Variants in ADGRV1 observed in about 807,000 individuals in gnomAD.
The protein encoded by ADGRV1 is adhesion G protein-coupled receptor V1, also known as G-protein coupled receptor 98.
ADGRV1 carries 359 observed loss-of-function variants against 596.2 expected under a neutral mutation model. That is an observed-to-expected ratio of 0.60 (90% confidence interval 0.55 to 0.66). ADGRV1 has a LOEUF of 0.66. Among genes scored for constraint, ADGRV1 ranks in the 30% least tolerant of loss-of-function variants. The pLI is 0.00. For missense variants in ADGRV1, 7,274 were observed against 7,575.6 expected (o/e 0.96, Z 1.48); for synonymous variants, 2,681 against 2,679.2 (o/e 1.00, Z -0.02).
At chr5:90,712,809 A>G (rs1749552522) in intron 42 of ADGRV1, among the ~76,000 whole-genome samples, 1 of 152,144 alleles carries the variant, frequency 6.6e-6, no homozygotes. Flanking sequence ...GTACCTTTGT[A>G]CAAAGGAGTA....
chr5:90,976,574 T>G (rs1185290181), intron 84 of ADGRV1, among the ~76,000 whole-genome samples: 2 of 152,026 alleles, frequency 1.3e-5, no homozygotes, highest in Non-Finnish European at 2.9e-5. Flanking sequence ...AATAAATTCC[T>G]AGGAATTATG....
At chr5:91,042,245 T>A (rs1785423700) in intron 85 of ADGRV1, among the ~76,000 whole-genome samples, 1 of 152,158 alleles carries the variant, frequency 6.6e-6, no homozygotes, top group Non-Finnish European at 1.5e-5. Context: ...ATAAAAACAA[T>A]CAAGGTGTCA....
At chr5:90,976,579 A>G (rs963942183) in intron 84 of ADGRV1, among the ~76,000 whole-genome samples, 1 of 152,016 alleles carries the variant, frequency 6.6e-6, no homozygotes, top group Admixed American at 6.6e-5. Flanking sequence ...ATTCCTAGGA[A>G]TTATGCCTTT....
At position 90,776,537 on chromosome 5, in the gene ADGRV1, G is replaced by A; in HGVS notation, c.12488G>A (p.Gly4163Glu). ...IAPSSRHILIGEPSAKYNGTA... is the reference protein window; with the variant it reads ...IAPSSRHILIEEPSAKYNGTA... ...CCGTCATCTAGGCACATCCTCATTG[G>A]GGAACCCTCAGCAAAATATAATGGT... The change falls in exon 61 of 90, where the codon GGG becomes GAG. Residue 4163 changes from glycine (G) to glutamate (E), a missense_variant. Physicochemically the swap from Gly to Glu is moderately conservative, Grantham distance 98 (BLOSUM62 -2). Transcript: ENST00000405460. 2.5e-6 allele frequency: 4 copies of A among 1,613,280 alleles called. No individual in the cohort carries two copies. In the South Asian group the frequency reaches 3.3e-5, roughly 13 times the overall value.
At chr5:90,750,529 G>T in intron 52 of ADGRV1, 22 bp from the exon 53 acceptor site, 4 of 1,583,984 alleles carry the variant, frequency 2.5e-6, no homozygotes, top group Non-Finnish European at 3.4e-6. Context: ...AACCCCTTGT[G>T]ACTTTCTGTG....
At chr5:91,081,757 G>A (rs1333777952) in intron 86 of ADGRV1, among the ~76,000 whole-genome samples, 1 of 152,152 alleles carries the variant, frequency 6.6e-6, no homozygotes, top group Non-Finnish European at 1.5e-5. Flanking sequence ...TTGTACTTCA[G>A]CCTGAGCAAC....
chr5:90,779,109 A>G lies in ADGRV1; in HGVS notation c.13082+12A>G, dbSNP rs1231192320. 1.3e-6 allele frequency: 2 copies of G among 1,507,898 alleles called. No homozygotes were observed. Among genetic ancestry groups the G allele is most frequent in the South Asian group, 2.3e-5 (2 of 88,098 alleles). The allele number at this position is 1,507,898 out of a possible 1,614,324, so 93.4% of individuals were successfully genotyped here. A position where few individuals can be genotyped will look rare whatever the true frequency, so the allele number is the denominator to read the frequency against. On this transcript the variant is annotated intron_variant, in intron 64 of 89. Transcript: ENST00000405460. ...GAACTCCAGGGAAGGTAAAGGAGAAAGGCAATTAGGAAAAAGAAAGCAAAG... is the reference window on the plus strand; with the variant it reads ...GAACTCCAGGGAAGGTAAAGGAGAAGGGCAATTAGGAAAAAGAAAGCAAAG...
intron 53 of ADGRV1, among the ~76,000 whole-genome samples, chr5:90,751,425 C>T (rs1755238877): frequency 6.6e-6 from 1 of 152,108 alleles, no homozygotes; most frequent in African/African-American, 2.4e-5. Context: ...ATGAGGAGCA[C>T]AGAACCTGTT....
chr5:91,118,643 G>T (rs2126732802), intron 87 of ADGRV1, among the ~76,000 whole-genome samples: 1 of 152,102 alleles, frequency 6.6e-6, no homozygotes, highest in African/African-American at 2.4e-5. Context: ...TCCAGAGTGT[G>T]ATCTTCTTGA....
intron 1 of ADGRV1, among the ~76,000 whole-genome samples, chr5:90,595,766 G>T (rs1401264411): frequency 8.5e-5 from 12 of 140,770 alleles, no homozygotes; most frequent in East Asian, 2.3e-4. Context: ...CCTCCCGGAC[G>T]GGGTGGCTGG....
chr5:91,144,377 C>T (rs1356468258), intron 87 of ADGRV1, among the ~76,000 whole-genome samples: 1 of 152,204 alleles, frequency 6.6e-6, no homozygotes, highest in African/African-American at 2.4e-5. Flanking sequence ...GCAAACATGG[C>T]TCACTGCAGC....
At chr5:90,569,931 A>G (rs1053650564) in intron 1 of ADGRV1, among the ~76,000 whole-genome samples, 1 of 151,994 alleles carries the variant, frequency 6.6e-6, no homozygotes, top group African/African-American at 2.4e-5. Context: ...ATCTATTATT[A>G]TTGCTTTATG....
intron 29 of ADGRV1, 125 bp from the exon 30 acceptor site, chr5:90,689,735 CA>C (rs1379675401): frequency 3.1e-6 from 2 of 646,624 alleles, no homozygotes; most frequent in African/African-American, 3.7e-5. Flanking sequence ...TAAATGTAGT[CA>C]ATATCCTCAA....
intron 85 of ADGRV1, among the ~76,000 whole-genome samples, chr5:91,022,911 T>G (rs1223835038): frequency 6.6e-6 from 1 of 152,150 alleles, no homozygotes. Flanking sequence ...AAATGTCATA[T>G]TTAAAGGAGA....
intron 1 of ADGRV1, among the ~76,000 whole-genome samples, chr5:90,563,969 G>C (rs750969239): frequency 2.0e-5 from 3 of 152,156 alleles, no homozygotes; most frequent in Non-Finnish European, 2.9e-5. Flanking sequence ...CCATGTCATG[G>C]ACCAGCAATT....
intron 84 of ADGRV1, among the ~76,000 whole-genome samples, chr5:90,967,157 G>T (rs972011382): frequency 1.3e-5 from 2 of 152,126 alleles, no homozygotes. Context: ...TTAGCTAATA[G>T]AACTAGTTGA....
At chr5:91,124,043 G>A (rs908103810) in intron 87 of ADGRV1, among the ~76,000 whole-genome samples, 1 of 152,180 alleles carries the variant, frequency 6.6e-6, no homozygotes, top group African/African-American at 2.4e-5. Flanking sequence ...TGAAACGTTT[G>A]AGAAGGCCAT....
intron 1 of ADGRV1, among the ~76,000 whole-genome samples, chr5:90,601,948 A>G (rs1255648606): frequency 1.3e-5 from 2 of 152,224 alleles, no homozygotes; most frequent in Admixed American, 1.3e-4. Flanking sequence ...AGGCATCACT[A>G]CAGCCTGGAA....
In ADGRV1 at chr5:90,863,668, T is replaced by C. The variant is rs1767814985; in HGVS notation, c.17756-89T>C. The C allele has an allele frequency of 4.3e-6, 4 of 938,350 alleles. No individual in the cohort carries two copies. In the East Asian group the frequency reaches 9.7e-5, roughly 23 times the overall value. The allele number at this position is 938,350 out of a possible 1,614,324, so 58.1% of individuals were successfully genotyped here. On this transcript the variant is annotated intron_variant, in intron 82 of 89. Transcript: ENST00000405460. ...GCAGAGGCAGGTGGCAGACCTGACATGCCTAGCTGCCCCCAAAGATTCTTG... is the reference window on the plus strand; with the variant it reads ...GCAGAGGCAGGTGGCAGACCTGACACGCCTAGCTGCCCCCAAAGATTCTTG...
Sources: allele counts gnomAD v4.1 joint callset (sites outside exome capture counted in the v4.1 genomes callset), GRCh38; gene constraint gnomAD v4.1.1; transcripts MANE v1.5; gene names NCBI Gene and HGNC (gene_info 2026-07-23, HGNC 2026-07-21).